The following RALGAPA2 variants were observed in gnomAD, a reference collection of about 807,000 sequenced individuals.
RALGAPA2 encodes the protein Ral GTPase activating protein catalytic subunit alpha 2, also known as ral GTPase-activating protein subunit alpha-2.
Under a neutral mutation model 230.4 loss-of-function variants are expected in RALGAPA2, and 139 were observed. That is an observed-to-expected ratio of 0.60 (90% CI 0.53 to 0.69). The LOEUF (loss-of-function observed/expected upper bound fraction) is 0.69. Ranked by LOEUF, RALGAPA2 falls within the 30% of genes least tolerant of loss-of-function variation. RALGAPA2 has a pLI of 0.00. For synonymous variants in RALGAPA2, 847 were observed against 837.8 expected (o/e 1.01, Z -0.19); for missense variants, 2,163 against 2,276.0 (o/e 0.95, Z 1.01).
intron 23 of RALGAPA2, among the ~76,000 whole-genome samples, chr20:20,566,839 T>C (rs1256550643): frequency 6.6e-6 from 1 of 152,226 alleles, no homozygotes; most frequent in Admixed American, 6.5e-5. Flanking sequence ...TCTATTACAC[T>C]AGATCTTAAC....
intron 1 of RALGAPA2, among the ~76,000 whole-genome samples, chr20:20,710,058 G>A (rs1603262321): frequency 6.6e-6 from 1 of 152,116 alleles, no homozygotes; most frequent in Non-Finnish European, 1.5e-5. Context: ...CAAAGAAACC[G>A]AGGTTCAGAG....
chr20:20,486,097 G>A (rs1321366700), intron 36 of RALGAPA2, among the ~76,000 whole-genome samples: 1 of 152,090 alleles, frequency 6.6e-6, no homozygotes, highest in East Asian at 1.9e-4. Context: ...CCATGATCAT[G>A]CCACTATATT....
At chr20:20,586,942 C>T (rs977021695) in intron 18 of RALGAPA2, among the ~76,000 whole-genome samples, 2 of 151,642 alleles carry the variant, frequency 1.3e-5, no homozygotes, top group Non-Finnish European at 2.9e-5. Flanking sequence ...TTTTTTAAAA[C>T]CCCAGTGTCC....
At chr20:20,688,770 C>A (rs1330272895) in intron 1 of RALGAPA2, among the ~76,000 whole-genome samples, 1 of 152,094 alleles carries the variant, frequency 6.6e-6, no homozygotes, top group African/African-American at 2.4e-5. Flanking sequence ...TACAGAGAGG[C>A]TTCATAATTA....
rs548563261 is a variant in RALGAPA2, at chr20:20,517,108, AC to A, written c.4084+3808del. 2.0e-3 allele frequency among the ~76,000 whole-genome samples: 303 copies of A among 152,254 alleles called. 3 individuals carry two copies. The highest frequency in any genetic ancestry group is 7.0e-3 in the African/African-American group (292 of 41,548). On this transcript the variant is annotated intron_variant, in intron 31 of 39. Coordinates refer to ENST00000202677, the MANE Select transcript of RALGAPA2 (RefSeq NM_020343.4). ...ATGCGAATTCAGCATGAATGTACCT[AC>A]AGATAGCCCTCCTGGAACAATTCAC... is the stretch of plus-strand genomic sequence containing the variant.
At chr20:20,647,092 T>C (rs1016427877) in intron 4 of RALGAPA2, among the ~76,000 whole-genome samples, 1 of 152,202 alleles carries the variant, frequency 6.6e-6, no homozygotes, top group African/African-American at 2.4e-5. Context: ...CATTTTAGAT[T>C]GTAAGAATTG....
rs573780009 is a variant in RALGAPA2 at position 20,525,024 on chromosome 20, A to T, written c.3694-126T>A. 21 of 779,364 alleles carry T rather than the reference A, an allele frequency of 2.7e-5. No homozygotes were observed. In the South Asian group the frequency reaches 3.5e-4, roughly 13 times the overall value. 48.3% of individuals were successfully genotyped at this position (779,364 alleles called of 1,614,324 possible). A position where few individuals can be genotyped will look rare whatever the true frequency, so the allele number is the denominator to read the frequency against. On this transcript the variant is annotated intron_variant, in intron 28 of 39. Transcript: ENST00000202677. ...GGTGCCAACTCACCACAGAAAGGTG[A>T]TAAAAAGCAGAGGGCCAGCTGTGTG...
At position 20,712,387 on chromosome 20, in the gene RALGAPA2, G is replaced by T. The variant is rs1467825851; in HGVS notation, c.94C>A (p.Arg32=). 2.6e-6 allele frequency: 4 copies of T among 1,547,118 alleles called. No individual in the cohort carries two copies. The highest frequency in any genetic ancestry group is 3.5e-6 in the Non-Finnish European group (4 of 1,144,690). ...GCGCGCGCCTCACCCAGCAGCGCCCGCAGGTGCTTCAGGCGGGTCAGCACG... is the reference window on the plus strand; with the variant it reads ...GCGCGCGCCTCACCCAGCAGCGCCCTCAGGTGCTTCAGGCGGGTCAGCACG... ...KDVLTRLKHL[R]ALLDNVDAND... Residue 32 remains arginine, a synonymous_variant, in exon 1 of 40, where the codon CGG becomes AGG. Coordinates refer to ENST00000202677, the MANE Select transcript of RALGAPA2 (RefSeq NM_020343.4). This position sits in a 1 kb window ranked among gnomAD's most constrained non-coding sequence, Gnocchi z 5.5.
At chr20:20,480,675 C>CT (rs2061753572) in intron 36 of RALGAPA2, among the ~76,000 whole-genome samples, 1 of 152,170 alleles carries the variant, frequency 6.6e-6, no homozygotes, top group Admixed American at 6.5e-5. Flanking sequence ...CCAGGGAAAA[C>CT]AGTGCTGCTG....
chr20:20,421,783 AATACCC>A (rs2060280473), intron 37 of RALGAPA2, among the ~76,000 whole-genome samples: 1 of 152,258 alleles, frequency 6.6e-6, no homozygotes, highest in Non-Finnish European at 1.5e-5. Flanking sequence ...CTAGAAGTTC[AATACCC>A]AAGAGAACTG....
At chr20:20,614,832 G>A (rs939228458) in intron 13 of RALGAPA2, among the ~76,000 whole-genome samples, 27 of 152,254 alleles carry the variant, frequency 1.8e-4, no homozygotes, top group Non-Finnish European at 5.9e-5. Context: ...TGATTCAAGG[G>A]CCTCCAGAAT....
intron 37 of RALGAPA2, among the ~76,000 whole-genome samples, chr20:20,430,284 G>T (rs1226119064): frequency 6.6e-6 from 1 of 152,222 alleles, no homozygotes; most frequent in Admixed American, 6.5e-5. Flanking sequence ...CCAGAGTAGG[G>T]ACACAAGGGC....
At chr20:20,537,619 CAA>C (rs373034061) in intron 24 of RALGAPA2, among the ~76,000 whole-genome samples, 876 of 41,024 alleles carry the variant, frequency 0.021, 6 homozygotes, top group African/African-American at 0.057. Context: ...GACTCCATCT[CAA>C]AAAAAAAAAA....
At chr20:20,521,942 C>T (rs894289510) in intron 30 of RALGAPA2, among the ~76,000 whole-genome samples, 3 of 152,168 alleles carry the variant, frequency 2.0e-5, no homozygotes, top group African/African-American at 7.2e-5. Context: ...TAAATAAGTA[C>T]CAAGAATTAC....
intron 26 of RALGAPA2, among the ~76,000 whole-genome samples, chr20:20,533,541 T>C (rs2063422098): frequency 6.6e-6 from 1 of 152,084 alleles, no homozygotes; most frequent in Admixed American, 6.5e-5. Flanking sequence ...CACACCATAA[T>C]AGCAGGAGAT....
chr20:20,680,905 C>T (rs184800290), intron 1 of RALGAPA2, 104 bp from the exon 2 acceptor site: 1 of 1,468,790 alleles, frequency 6.8e-7, no homozygotes, highest in Admixed American at 3.1e-5. Flanking sequence ...AGTTTCATTC[C>T]CTTATAAGAC....
chr20:20,697,277 C>T (rs1203386553), intron 1 of RALGAPA2, among the ~76,000 whole-genome samples: 1 of 152,116 alleles, frequency 6.6e-6, no homozygotes, highest in Non-Finnish European at 1.5e-5. Context: ...CTGCAGTGAG[C>T]TGTGATCACA....
rs571313492 is a variant in RALGAPA2, at chr20:20,708,318, C to T, written c.106+4057G>A. 3.3e-5 allele frequency among the ~76,000 whole-genome samples: 5 copies of T among 152,248 alleles called. No homozygotes were observed. In the South Asian group the frequency reaches 1.0e-3, roughly 32 times the overall value. ...AGTCTAACCATTCTTTGGAACCCAGCGTAAGTAAAACGTTGATATGATTTG... is the reference window on the plus strand; with the variant it reads ...AGTCTAACCATTCTTTGGAACCCAGTGTAAGTAAAACGTTGATATGATTTG... On this transcript the variant is annotated intron_variant, in intron 1 of 39. Transcript: ENST00000202677.
Position 20,619,016 on chromosome 20 carries a change from ATATAATAATC to A in RALGAPA2, c.1539+251_1539+260del, listed in dbSNP as rs2066241586. ...AAATATCAGCCATTTCATATTCACT[ATATAATAATC>A]TCAAAAAGACTGTAACCAGTTTTTA... On this transcript the variant is annotated intron_variant, in intron 12 of 39. Transcript: ENST00000202677. Among the ~76,000 whole-genome samples, 3 of 152,242 alleles carry A rather than the reference ATATAATAATC, an allele frequency of 2.0e-5. No individual in the cohort carries two copies. In the South Asian group the frequency reaches 6.2e-4, roughly 32 times the overall value.
Sources: gnomAD v4.1 joint callset for allele counts (sites outside exome capture counted in the v4.1 genomes callset) on GRCh38, gnomAD v4.1.1 for gene constraint, Gnocchi (gnomAD v3.1) non-coding constraint, MANE v1.5 for transcripts, NCBI Gene and HGNC (gene_info 2026-07-23, HGNC 2026-07-21) for gene names.